The following DAG1 variants were observed in gnomAD, a reference collection of about 807,000 sequenced individuals.
The protein encoded by DAG1 is dystroglycan 1 (dystrophin-associated glycoprotein 1).
A neutral mutation model predicts 46.1 loss-of-function variants in DAG1; 8 were observed. The observed-to-expected ratio is 0.17, with a 90% confidence interval of 0.10 to 0.31. DAG1 has a LOEUF of 0.31. Among genes scored for constraint, DAG1 ranks in the 10% least tolerant of loss-of-function variants. DAG1 has a pLI of 1.00. For synonymous variants in DAG1, 495 were observed against 481.8 expected, an observed-to-expected ratio of 1.03 and a Z score of -0.36; for missense variants, 1,003 against 1,189.9, an observed-to-expected ratio of 0.84 and a Z score of 2.31.
chr3:49,508,275 C>T (rs1224301945), intron 1 of DAG1, among the ~76,000 whole-genome samples: 1 of 149,994 alleles, frequency 6.7e-6, no homozygotes, highest in Non-Finnish European at 1.5e-5. Context: ...ATTCTCAGCT[C>T]ACTTCAGCCT....
intron 1 of DAG1, among the ~76,000 whole-genome samples, chr3:49,472,794 G>C (rs1283271924): frequency 6.6e-6 from 1 of 151,260 alleles, no homozygotes; most frequent in Non-Finnish European, 1.5e-5. Context: ...GCCACAGATC[G>C]AGACTCCGTC....
chr3:49,509,003 C>T (rs924846563), intron 1 of DAG1, among the ~76,000 whole-genome samples: 2 of 151,952 alleles, frequency 1.3e-5, no homozygotes, highest in Admixed American at 6.5e-5. Context: ...GAGGATGATT[C>T]CCTATAGAGT....
At chr3:49,490,325 C>T (rs911416167) in intron 1 of DAG1, among the ~76,000 whole-genome samples, 1 of 151,340 alleles carries the variant, frequency 6.6e-6, no homozygotes, top group South Asian at 2.1e-4. Flanking sequence ...TGCCCTCTAG[C>T]CTGGGCGACA....
chr3:49,482,860 C>A (rs907701071), intron 1 of DAG1, among the ~76,000 whole-genome samples: 4 of 152,052 alleles, frequency 2.6e-5, no homozygotes, highest in Admixed American at 2.6e-4. Flanking sequence ...AGATTTCCCC[C>A]CCAGGCATCC....
Position 49,534,790 on chromosome 3 carries a change from C to T in DAG1, c.*1591C>T, listed in dbSNP as rs1016228104. ...GCATGACTTTTCTTGATGTCTGAAG[C>T]GTTATTTTGGGTACTTTTTAGGGAG... is the stretch of plus-strand genomic sequence containing the variant. On this transcript the variant is annotated 3_prime_UTR_variant, in exon 3 of 3. Coordinates refer to ENST00000308775, the MANE Select transcript of DAG1 (RefSeq NM_004393.6). The T allele has an allele frequency of 2.6e-5, 4 of 152,578 alleles. No individual in the cohort carries two copies. Among genetic ancestry groups the T allele is most frequent in the South Asian group, 2.1e-4 (1 of 4,828 alleles). 9.5% of individuals were successfully genotyped at this position (152,578 alleles called of 1,614,324 possible).
chr3:49,500,018 A>C (rs1299791243), intron 1 of DAG1, among the ~76,000 whole-genome samples: 7 of 144,860 alleles, frequency 4.8e-5, no homozygotes, highest in African/African-American at 1.8e-4. Flanking sequence ...TCTGTCGCCC[A>C]GTCTGGAGTG....
At chr3:49,487,651 T>C (rs1379855604) in intron 1 of DAG1, among the ~76,000 whole-genome samples, 1 of 151,186 alleles carries the variant, frequency 6.6e-6, no homozygotes, top group Middle Eastern at 3.2e-3. Flanking sequence ...ACAACAGTAC[T>C]ACATATTTGT....
At chr3:49,521,684 C>G (rs2051031355) in intron 2 of DAG1, among the ~76,000 whole-genome samples, 2 of 152,082 alleles carry the variant, frequency 1.3e-5, no homozygotes, top group South Asian at 4.1e-4. Flanking sequence ...CCTACAGGTG[C>G]TGTATCTTTA....
At chr3:49,508,852 A>G (rs1359397598) in intron 1 of DAG1, among the ~76,000 whole-genome samples, 1 of 152,174 alleles carries the variant, frequency 6.6e-6, no homozygotes, top group Admixed American at 6.5e-5. Flanking sequence ...GCATTTTTCT[A>G]AGCCTCATTG....
chr3:49,522,028 CTTTAT>C (rs1406338183), intron 2 of DAG1, among the ~76,000 whole-genome samples: 3 of 127,408 alleles, frequency 2.4e-5, no homozygotes, highest in Non-Finnish European at 5.0e-5. Flanking sequence ...TTTCTTTTTA[CTTTAT>C]TTTATTTTTT....
At chr3:49,472,864 A>C (rs569682005) in intron 1 of DAG1, among the ~76,000 whole-genome samples, 1 of 152,300 alleles carries the variant, frequency 6.6e-6, no homozygotes, top group African/African-American at 2.4e-5. Flanking sequence ...TCACGCCTGT[A>C]ATCCCAGCAC....
intron 1 of DAG1, among the ~76,000 whole-genome samples, chr3:49,479,374 A>G (rs1223678981): frequency 6.7e-6 from 1 of 149,896 alleles, no homozygotes; most frequent in Admixed American, 6.7e-5. Flanking sequence ...CAGTGGCTCG[A>G]TCTCTGCTCA....
chr3:49,470,286 C>G lies in DAG1; in HGVS notation c.-264C>G, dbSNP rs961640744. On this transcript the variant is annotated 5_prime_UTR_variant, in exon 1 of 3. Transcript: ENST00000308775. ...CCTCTCACCGCCCGGTACGTGCTCGCGCGAAGGCTGCGGCGCGGCGCTCGC... is the reference window on the plus strand; with the variant it reads ...CCTCTCACCGCCCGGTACGTGCTCGGGCGAAGGCTGCGGCGCGGCGCTCGC... 2.0e-5 allele frequency: 3 copies of G among 151,956 alleles called. No homozygotes were observed. Among genetic ancestry groups the G allele is most frequent in the Admixed American group, 1.3e-4 (2 of 15,254 alleles). The allele number at this position is 151,956 out of a possible 1,614,324, so 9.4% of individuals were successfully genotyped here.
At chr3:49,489,586 A>C (rs1341263226) in intron 1 of DAG1, among the ~76,000 whole-genome samples, 5 of 151,966 alleles carry the variant, frequency 3.3e-5, no homozygotes, top group Non-Finnish European at 5.9e-5. Flanking sequence ...TTCCTCTAGG[A>C]GGGAAGGTTC....
Position 49,510,529 on chromosome 3 carries a change from C to A in DAG1, c.-6C>A, listed in dbSNP as rs2050733570. On this transcript the variant is annotated 5_prime_UTR_variant, in exon 2 of 3. Transcript: ENST00000308775. ...GACTATCGACTTGAGCAAACTTGGA[C>A]CTGGGATGAGGATGTCTGTGGGCCT... 6.2e-7 allele frequency: 1 copy of A among 1,612,674 alleles called. No individual in the cohort carries two copies. The highest frequency in any genetic ancestry group is 1.9e-4 in the Middle Eastern group (1 of 5,396).
chr3:49,502,603 T>G (rs1437201070), intron 1 of DAG1, among the ~76,000 whole-genome samples: 1 of 151,894 alleles, frequency 6.6e-6, no homozygotes, highest in Non-Finnish European at 1.5e-5. Context: ...TCAATCAAAC[T>G]ATATCGTGCT....
intron 2 of DAG1, among the ~76,000 whole-genome samples, chr3:49,526,988 T>C (rs867658784): frequency 6.6e-6 from 1 of 152,232 alleles, no homozygotes; most frequent in South Asian, 2.1e-4. Context: ...GAGTTTGTTC[T>C]GTAGGAACTG....
At chr3:49,498,651 T>C (rs964026203) in intron 1 of DAG1, among the ~76,000 whole-genome samples, 16 of 151,974 alleles carry the variant, frequency 1.1e-4, no homozygotes, top group African/African-American at 3.6e-4. Flanking sequence ...AGGAACATGG[T>C]ATTTTATTAT....
chr3:49,494,528 T>C (rs2050261661), intron 1 of DAG1, among the ~76,000 whole-genome samples: 1 of 152,216 alleles, frequency 6.6e-6, no homozygotes, highest in South Asian at 2.1e-4. Context: ...ATGGCACTTA[T>C]TTTTAATCTT....
Sources: allele counts gnomAD v4.1 joint callset (sites outside exome capture counted in the v4.1 genomes callset), GRCh38; gene constraint gnomAD v4.1.1; transcripts MANE v1.5; gene names NCBI Gene and HGNC (gene_info 2026-07-23, HGNC 2026-07-21).